Variants in SH2D4A observed in about 807,000 individuals in gnomAD.
SH2D4A encodes SH2 domain-containing protein 4A.
A neutral mutation model predicts 64.7 loss-of-function variants in SH2D4A; 70 were observed. That is an observed-to-expected ratio of 1.08 (90% CI 0.89 to 1.32). The LOEUF (loss-of-function observed/expected upper bound fraction) is 1.32, where lower values mean the gene tolerates loss of function less well. Among genes scored for constraint, SH2D4A ranks in the 40% most tolerant of loss-of-function variants. SH2D4A has a pLI of 0.00. For synonymous variants in SH2D4A, 268 were observed against 200.7 expected, an observed-to-expected ratio of 1.34 and a Z score of -2.83; for missense variants, 706 against 540.1, an observed-to-expected ratio of 1.31 and a Z score of -3.04.
chr8:19,328,076 G>A (rs1292057102), intron 2 of SH2D4A, among the ~76,000 whole-genome samples: 4 of 152,082 alleles, frequency 2.6e-5, no homozygotes, highest in Non-Finnish European at 4.4e-5. Flanking sequence ...CATGTTTTTC[G>A]TTTGTTTATT....
At chr8:19,317,793 A>G (rs1395490598) in intron 1 of SH2D4A, among the ~76,000 whole-genome samples, 5 of 152,210 alleles carry the variant, frequency 3.3e-5, no homozygotes, top group Non-Finnish European at 7.3e-5. Flanking sequence ...GAAGTTTAAG[A>G]CTGTTTGAAC....
In SH2D4A at chr8:19,361,256, A is replaced by G; in HGVS notation, c.648A>G (p.Glu216=). 6.2e-7 allele frequency: 1 copy of G among 1,611,048 alleles called. No homozygotes were observed. Among genetic ancestry groups the G allele is most frequent in the Non-Finnish European group, 8.5e-7 (1 of 1,178,118 alleles). The change falls in exon 6 of 10, where the codon GAA becomes GAG. Residue 216 remains glutamate (E), a synonymous_variant. Transcript: ENST00000265807. ...KQDEEINQIE[E]ERTKQICKSW... is the part of the protein sequence containing the mutation. Reference sequence around the variant, plus strand: ...ATGAAGAAATAAATCAAATAGAAGAAGAGAGAACGAAGCAGATTTGTAAGA... The same window carrying G: ...ATGAAGAAATAAATCAAATAGAAGAGGAGAGAACGAAGCAGATTTGTAAGA...
intron 8 of SH2D4A, among the ~76,000 whole-genome samples, chr8:19,381,178 T>C (rs566588357): frequency 6.6e-6 from 1 of 152,010 alleles, no homozygotes; most frequent in Admixed American, 6.5e-5. Flanking sequence ...GCCTCCTGAG[T>C]AGCTGGAATT....
intron 7 of SH2D4A, among the ~76,000 whole-genome samples, chr8:19,369,649 C>G (rs2053060891): frequency 2.0e-5 from 3 of 151,844 alleles, no homozygotes; most frequent in African/African-American, 7.2e-5. Flanking sequence ...CTCTAGTGAT[C>G]TTTTTATTTC....
intron 8 of SH2D4A, among the ~76,000 whole-genome samples, chr8:19,388,532 C>G (rs1364434209): frequency 1.3e-5 from 2 of 152,138 alleles, no homozygotes; most frequent in Middle Eastern, 3.2e-3. Flanking sequence ...AGGATAATAA[C>G]AATATATCTA....
In SH2D4A at chr8:19,334,750, G is replaced by C. The variant is rs145576032; in HGVS notation, c.406G>C (p.Ala136Pro). 2.5e-6 allele frequency: 4 copies of C among 1,614,060 alleles called. No homozygotes were observed. The African/African-American group carries it at 5.3e-5, about 22-fold the overall frequency. Residue 136 changes from alanine (A) to proline (P), a missense_variant, in exon 4 of 10, where the codon GCT becomes CCT. Coordinates refer to ENST00000265807, the MANE Select transcript of SH2D4A (RefSeq NM_022071.4). The stretch of plus-strand genomic sequence containing the variant: ...AAAATCACAGTACCATGATCTGCAG[G>C]CTCCGGATAACCAGCAGACTAAAGA... ...KTKSQYHDLQ[A>P]PDNQQTKDIW...
At chr8:19,370,748 A>G (rs2053081271) in intron 7 of SH2D4A, among the ~76,000 whole-genome samples, 1 of 152,128 alleles carries the variant, frequency 6.6e-6, no homozygotes, top group South Asian at 2.1e-4. Context: ...AATTATTGAT[A>G]TGTAAGGGCT....
At chr8:19,391,545 G>T (rs181590021) in intron 8 of SH2D4A, among the ~76,000 whole-genome samples, 4 of 152,132 alleles carry the variant, frequency 2.6e-5, no homozygotes, top group Non-Finnish European at 4.4e-5. Flanking sequence ...TCTGCAAGTC[G>T]GGGAGACTGG....
rs147109993 is a variant in SH2D4A at position 19,361,715 on chromosome 8, T to C, written c.706+401T>C. Among the ~76,000 whole-genome samples, 320 of 145,076 alleles carry C rather than the reference T, an allele frequency of 2.2e-3. 1 individual carries two copies. Among genetic ancestry groups the C allele is most frequent in the Non-Finnish European group, 3.1e-3 (209 of 66,746 alleles). ...CTGAAGGAAAAGAACTGGAAGGTTATAATAACATGTAAACATTAGTTTTCT... is the reference window on the plus strand; with the variant it reads ...CTGAAGGAAAAGAACTGGAAGGTTACAATAACATGTAAACATTAGTTTTCT... On this transcript the variant is annotated intron_variant, in intron 6 of 9. Transcript: ENST00000265807.
At position 19,334,772 on chromosome 8, in the gene SH2D4A, A is replaced by C; in HGVS notation, c.428A>C (p.Lys143Thr). 1 of 1,614,146 alleles carries C rather than the reference A, an allele frequency of 6.2e-7. No homozygotes were observed. Among genetic ancestry groups the C allele is most frequent in the Non-Finnish European group, 8.5e-7 (1 of 1,180,004 alleles). ...DLQAPDNQQTKDIWKKVAEKE... is the reference protein window; with the variant it reads ...DLQAPDNQQTTDIWKKVAEKE... ...CAGGCTCCGGATAACCAGCAGACTA[A>C]AGACATCTGGAAGAAAGTGGCAGAA... is the stretch of plus-strand genomic sequence containing the variant. The change falls in exon 4 of 10, where the codon AAA (lysine) becomes ACA (threonine). Residue 143 changes from lysine to threonine, a missense_variant. By Grantham distance (78) the Lys-to-Thr change is moderately conservative (BLOSUM62 -1). Transcript: ENST00000265807.
chr8:19,350,603 C>T (rs993436670), intron 4 of SH2D4A, among the ~76,000 whole-genome samples: 2 of 152,146 alleles, frequency 1.3e-5, no homozygotes, highest in Non-Finnish European at 2.9e-5. Flanking sequence ...CCCACCCTCG[C>T]CTCCCGAGTA....
At position 19,395,621 on chromosome 8, in the gene SH2D4A, C is replaced by T. The variant is rs2053576175; in HGVS notation, c.*979C>T. On this transcript the variant is annotated 3_prime_UTR_variant, in exon 10 of 10. Coordinates refer to ENST00000265807, the MANE Select transcript of SH2D4A (RefSeq NM_022071.4). ...GACACAAATGCAGTGGGAAGAAGAC[C>T]AGGGGACAAGAGGCAAGTTGGAGTG... is the stretch of plus-strand genomic sequence containing the variant. 6.6e-6 allele frequency: 1 copy of T among 152,076 alleles called. No individual in the cohort carries two copies. Among genetic ancestry groups the T allele is most frequent in the South Asian group, 2.1e-4 (1 of 4,818 alleles). 9.4% of individuals were successfully genotyped at this position (152,076 alleles called of 1,614,324 possible).
At chr8:19,330,377 T>A (rs1172804911) in intron 2 of SH2D4A, among the ~76,000 whole-genome samples, 1 of 152,122 alleles carries the variant, frequency 6.6e-6, no homozygotes, top group African/African-American at 2.4e-5. Flanking sequence ...TGCCACTCTG[T>A]CAAGAGCCCG....
chr8:19,373,310 C>T (rs909110120), intron 7 of SH2D4A, among the ~76,000 whole-genome samples: 3 of 150,918 alleles, frequency 2.0e-5, no homozygotes, highest in Admixed American at 6.6e-5. Flanking sequence ...CTCTCCCTCC[C>T]ATTCTCTCTC....
chr8:19,367,004 T>G (rs1442538549), intron 7 of SH2D4A, among the ~76,000 whole-genome samples: 1 of 152,222 alleles, frequency 6.6e-6, no homozygotes, highest in African/African-American at 2.4e-5. Context: ...GTATGCTAAT[T>G]TATATTCCTA....
rs77517501 is a variant in SH2D4A, at chr8:19,361,922, A to C, written c.706+608A>C. ...CGCTCCTGCCTGTGACCCAGCCTTG[A>C]CTCCTATTTGAGTGAGCAGAATGGG... On this transcript the variant is annotated intron_variant, in intron 6 of 9. Coordinates refer to ENST00000265807, the MANE Select transcript of SH2D4A (RefSeq NM_022071.4). 5.1e-3 allele frequency among the ~76,000 whole-genome samples: 769 copies of C among 152,226 alleles called. 7 individuals are homozygous for C. The highest frequency in any genetic ancestry group is 0.018 in the African/African-American group (728 of 41,524).
chr8:19,348,159 A>C (rs1042443285), intron 4 of SH2D4A, among the ~76,000 whole-genome samples: 1 of 152,140 alleles, frequency 6.6e-6, no homozygotes, highest in African/African-American at 2.4e-5. Context: ...GCCACGGTGC[A>C]ATAATGAGTC....
intron 1 of SH2D4A, among the ~76,000 whole-genome samples, chr8:19,315,978 G>C (rs2052080827): frequency 6.6e-6 from 1 of 152,232 alleles, no homozygotes; most frequent in Admixed American, 6.5e-5. Context: ...TGACAGCACA[G>C]AGTCACACCG....
chr8:19,391,520 C>T lies in SH2D4A; in HGVS notation c.1049-1798C>T, dbSNP rs568180651. 1.4e-4 allele frequency among the ~76,000 whole-genome samples: 21 copies of T among 152,224 alleles called. No homozygotes were observed. The South Asian group carries it at 2.7e-3, about 20-fold the overall frequency. On this transcript the variant is annotated intron_variant, in intron 8 of 9. Transcript: ENST00000265807. ...CTAGGAGCAAGGCCCTGGTCTGTTTCGAGGATGTTGACTATCTGCAAGTCG... is the reference window on the plus strand; with the variant it reads ...CTAGGAGCAAGGCCCTGGTCTGTTTTGAGGATGTTGACTATCTGCAAGTCG...
Sources: allele counts gnomAD v4.1 joint callset (sites outside exome capture counted in the v4.1 genomes callset), GRCh38; gene constraint gnomAD v4.1.1; transcripts MANE v1.5; gene names NCBI Gene and HGNC (gene_info 2026-07-23, HGNC 2026-07-21).